DNAH12: variants seen among roughly 807,000 people sequenced by gnomAD.
DNAH12 encodes the protein dynein axonemal heavy chain 12, also known as axonemal beta dynein heavy chain 12.
A neutral mutation model predicts 371.5 loss-of-function variants in DNAH12; 285 were observed. The observed-to-expected ratio is 0.77, with a 90% confidence interval of 0.70 to 0.85. The LOEUF (loss-of-function observed/expected upper bound fraction) is 0.85, where lower values mean the gene tolerates loss of function less well. Ranked by LOEUF, DNAH12 falls within the 40% of genes least tolerant of loss-of-function variation. The pLI, the probability that DNAH12 is intolerant of heterozygous loss-of-function variation, is 0.00. For missense variants in DNAH12, 3,611 were observed against 3,689.4 expected (o/e 0.98, Z 0.55); for synonymous variants, 1,200 against 1,213.0 (o/e 0.99, Z 0.22).
chr3:57,389,519 T>A (rs2153346367), intron 45 of DNAH12, among the ~76,000 whole-genome samples: 1 of 152,212 alleles, frequency 6.6e-6, no homozygotes, highest in South Asian at 2.1e-4. Flanking sequence ...TCAGTGCACT[T>A]TATTTCATAC....
At chr3:57,417,710 C>G (rs919005393) in intron 37 of DNAH12, among the ~76,000 whole-genome samples, 1 of 152,158 alleles carries the variant, frequency 6.6e-6, no homozygotes, top group Non-Finnish European at 1.5e-5. Flanking sequence ...AAAAATATCA[C>G]TCATGCCCAT....
intron 65 of DNAH12, among the ~76,000 whole-genome samples, chr3:57,316,799 G>A (rs958215716): frequency 6.6e-6 from 1 of 152,182 alleles, no homozygotes; most frequent in African/African-American, 2.4e-5. Context: ...GCCTTGTGAA[G>A]AAGGTGCTTG....
chr3:57,355,212 A>G (rs1226433646), intron 59 of DNAH12, among the ~76,000 whole-genome samples: 5 of 152,304 alleles, frequency 3.3e-5, no homozygotes, highest in African/African-American at 1.2e-4. Flanking sequence ...TTGATTTTTA[A>G]AAAGTAATAC....
intron 62 of DNAH12, among the ~76,000 whole-genome samples, chr3:57,327,846 CA>C (rs2153301746): frequency 6.6e-6 from 1 of 152,288 alleles, no homozygotes; most frequent in Non-Finnish European, 1.5e-5. Flanking sequence ...AGAGAAGAAT[CA>C]AATAGATGCA....
rs567168233 is a variant in DNAH12, at chr3:57,478,295, G to A, written c.1650+5081C>T. 1.4e-4 allele frequency among the ~76,000 whole-genome samples: 22 copies of A among 152,262 alleles called. No individual in the cohort carries two copies. In the East Asian group the frequency reaches 2.5e-3, roughly 17 times the overall value. On this transcript the variant is annotated intron_variant, in intron 13 of 73. Transcript: ENST00000495027. ...GACGAATCCACAAGCCTCAGTAGCC[G>A]ATTCGATCAACTGGAAGAAAGGGTA...
chr3:57,379,869 A>G (rs2063352204), intron 51 of DNAH12, among the ~76,000 whole-genome samples: 1 of 147,564 alleles, frequency 6.8e-6, no homozygotes. Context: ...AAAAAAAAAA[A>G]GACATAAGTT....
Position 57,342,179 on chromosome 3 carries a change from G to A in DNAH12, c.9675-7239C>T, listed in dbSNP as rs1417642251. ...ATAAAACTACTAGAAGAAAACCTGG[G>A]GAAATGCTTCAGGACATTGGTCCTG... On this transcript the variant is annotated intron_variant, in intron 60 of 73. Coordinates refer to ENST00000495027, the MANE Select transcript of DNAH12 (RefSeq NM_001366028.2). Among the ~76,000 whole-genome samples, 3 of 151,940 alleles carry A rather than the reference G, an allele frequency of 2.0e-5. No homozygotes were observed. In the East Asian group the frequency reaches 5.8e-4, roughly 29 times the overall value.
chr3:57,530,468 C>A, intron 2 of DNAH12: 3 of 723,728 alleles, frequency 4.1e-6, no homozygotes, highest in South Asian at 3.0e-5. Context: ...GATGCTTGCC[C>A]TGCTGGAACT....
Position 57,429,750 on chromosome 3 carries a change from T to C in DNAH12, c.5005A>G (p.Ile1669Val), listed in dbSNP as rs1433452062. The C allele has an allele frequency of 6.5e-7, 1 of 1,531,228 alleles. No homozygotes were observed. Among genetic ancestry groups the C allele is most frequent in the Admixed American group, 2.1e-5 (1 of 47,010 alleles). 94.9% of individuals were successfully genotyped at this position (1,531,228 alleles called of 1,614,324 possible). The change falls in exon 33 of 74, where the codon ATT becomes GTT. Residue 1669 changes from isoleucine (I) to valine (V), a missense_variant. Coordinates refer to ENST00000495027, the MANE Select transcript of DNAH12 (RefSeq NM_001366028.2). ...KKLCLMSGEI[I>V]QMSPQMSLIF... ...AGGCTCATTTGGGGGGACATCTGAA[T>C]GATTTCTCCACTCATAAGGCAAAGC...
rs1472137092 is a variant in DNAH12, at chr3:57,489,815, AT to A, written c.1336-129del. ...ATTTCTTTTTTGCTAAGTGACTAAA[AT>A]TTTTTCCCTTGTTGCATACATATTT... On this transcript the variant is annotated intron_variant, in intron 11 of 73. Transcript: ENST00000495027. 131 of 976,020 alleles carry A rather than the reference AT, an allele frequency of 1.3e-4. No individual in the cohort carries two copies. The East Asian group carries it at 4.0e-3, about 30-fold the overall frequency. 60.5% of individuals were successfully genotyped at this position (976,020 alleles called of 1,614,324 possible).
intron 72 of DNAH12, among the ~76,000 whole-genome samples, chr3:57,295,940 A>G (rs2061225226): frequency 6.6e-6 from 1 of 152,206 alleles, no homozygotes; most frequent in Admixed American, 6.5e-5. Context: ...GAAATTCAGT[A>G]TTTATTGTAA....
Position 57,310,717 on chromosome 3 carries a change from C to T in DNAH12, c.10896G>A (p.Lys3632=). 1 of 1,543,820 alleles carries T rather than the reference C, an allele frequency of 6.5e-7. No individual in the cohort carries two copies. Among genetic ancestry groups the T allele is most frequent in the Non-Finnish European group, 8.8e-7 (1 of 1,140,456 alleles). The change falls in exon 67 of 74, where the codon AAG becomes AAA. Residue 3632 remains lysine, a splice_region_variant and synonymous_variant. Transcript: ENST00000495027. ...GTYEDYIEFI[K]KLPFTQHPEI... Reference sequence around the variant, plus strand: ...ACCTTATTTTTGGTGACATCATTACCTTAATGAATTCAATGTAGTCCTCAT... The same window carrying T: ...ACCTTATTTTTGGTGACATCATTACTTTAATGAATTCAATGTAGTCCTCAT...
At chr3:57,308,935 C>T (rs961103093) in intron 69 of DNAH12, among the ~76,000 whole-genome samples, 4 of 151,932 alleles carry the variant, frequency 2.6e-5, no homozygotes. Context: ...CAATATCACC[C>T]CTTACCACAA....
At chr3:57,314,386 C>T in intron 66 of DNAH12, 108 bp downstream of exon 66, 1 of 1,348,378 alleles carries the variant, frequency 7.4e-7, no homozygotes, top group Non-Finnish European at 1.0e-6. Flanking sequence ...TACCATCTAC[C>T]CACCTGTTAG....
At chr3:57,488,228 T>G (rs559243267) in intron 12 of DNAH12, among the ~76,000 whole-genome samples, 37 of 152,280 alleles carry the variant, frequency 2.4e-4, no homozygotes, top group Admixed American at 2.0e-3. Flanking sequence ...AGTCTCGCAC[T>G]GTAGCCCGGG....
intron 43 of DNAH12, among the ~76,000 whole-genome samples, chr3:57,398,499 T>G (rs1434776116): frequency 6.6e-6 from 1 of 152,102 alleles, no homozygotes; most frequent in African/African-American, 2.4e-5. Flanking sequence ...AGAAACAATA[T>G]AATCAAACTG....
chr3:57,347,922 C>T (rs782184288), intron 60 of DNAH12, among the ~76,000 whole-genome samples: 6 of 152,098 alleles, frequency 3.9e-5, no homozygotes, highest in African/African-American at 1.2e-4. Flanking sequence ...CTGGTGGAGA[C>T]GCTAAATGGT....
rs1038474354 is a variant in DNAH12 at position 57,397,141 on chromosome 3, A to G, written c.6949-2809T>C. Among the ~76,000 whole-genome samples the G allele has an allele frequency of 3.2e-3, 489 of 152,348 alleles. 4 individuals are homozygous for G. The highest frequency in any genetic ancestry group is 0.011 in the African/African-American group (440 of 41,582). On this transcript the variant is annotated intron_variant, in intron 43 of 73. Transcript: ENST00000495027. ...GTATTACCCAAATTTTACAAATGAA[A>G]AATCTAGAAAGTGACCATCAGCAAG... is the stretch of plus-strand genomic sequence containing the variant.
At chr3:57,476,274 A>T (rs1313249475) in intron 13 of DNAH12, among the ~76,000 whole-genome samples, 1 of 152,180 alleles carries the variant, frequency 6.6e-6, no homozygotes, top group African/African-American at 2.4e-5. Context: ...TCACTATAAA[A>T]ATCAGAATAG....
Sources: gnomAD v4.1 joint callset for allele counts (sites outside exome capture counted in the v4.1 genomes callset) on GRCh38, gnomAD v4.1.1 for gene constraint, MANE v1.5 for transcripts, NCBI Gene and HGNC (gene_info 2026-07-23, HGNC 2026-07-21) for gene names.